The following ZNF275 variants were observed in gnomAD, a reference collection of about 807,000 sequenced individuals.
ZNF275 encodes the protein zinc finger protein 275.
Under a neutral mutation model 4.3 loss-of-function variants are expected in ZNF275, and 4 were observed. The observed-to-expected ratio is 0.93, with a 90% CI of 0.46 to 2.13. The LOEUF (loss-of-function observed/expected upper bound fraction) is 2.13. Among genes scored for constraint, ZNF275 ranks in the 30% most tolerant of loss-of-function variants. The probability of loss-of-function intolerance (pLI) is 0.02; values close to 1 mark genes in which losing one functional copy is unlikely to be tolerated. For synonymous variants in ZNF275, 173 were observed against 166.9 expected (o/e 1.04, Z -0.28); for missense variants, 352 against 397.1 (o/e 0.89, Z 0.97).
intron 2 of ZNF275, among the ~76,000 whole-genome samples, chrX:153,338,734 C>T (rs890979047): frequency 5.5e-5 from 5 of 90,847 alleles, no homozygotes; most frequent in African/African-American, 2.0e-4. Context: ...CAGAGAGAGA[C>T]GAAGAAAGAG....
chrX:153,351,715 C>G lies in ZNF275; in HGVS notation c.*3740C>G, dbSNP rs1326988232. 8.9e-6 allele frequency: 1 copy of G among 112,267 alleles called. No individual in the cohort carries two copies. The highest frequency in any genetic ancestry group is 1.9e-5 in the Non-Finnish European group (1 of 53,295). The allele number at this position is 112,267 out of a possible 1,213,427, so 9.3% of individuals were successfully genotyped here. On this transcript the variant is annotated 3_prime_UTR_variant, in exon 4 of 4. Transcript: ENST00000650114. Reference sequence around the variant, plus strand: ...TGATTACCATTTTTGCTGCTTATTACGATGAGCTGTGTCCATTAGCTGTGT... The same window carrying G: ...TGATTACCATTTTTGCTGCTTATTAGGATGAGCTGTGTCCATTAGCTGTGT...
Position 153,350,784 on chromosome X carries a change from CTG to C in ZNF275, c.*2813_*2814del, listed in dbSNP as rs1218165603. ...CTCAGTTCTTGCAGTAGTTGTGAATCTGTGTCTGAAATCACTACTTTCTTCTC... is the reference window on the plus strand; with the variant it reads ...CTCAGTTCTTGCAGTAGTTGTGAATCTGTCTGAAATCACTACTTTCTTCTC... On this transcript the variant is annotated 3_prime_UTR_variant, in exon 4 of 4. Coordinates refer to ENST00000650114, the MANE Select transcript of ZNF275 (RefSeq NM_001367757.1). The C allele has an allele frequency of 1.6e-5, 2 of 124,261 alleles. No individual in the cohort carries two copies. Among genetic ancestry groups the C allele is most frequent in the Non-Finnish European group, 3.7e-5 (2 of 53,391 alleles). The allele number at this position is 124,261 out of a possible 1,213,427, so 10.2% of individuals were successfully genotyped here.
rs371051380 is a variant in ZNF275 at position 153,345,522 on chromosome X, G to A, written c.34G>A (p.Val12Ile). 2.2e-4 allele frequency: 270 copies of A among 1,205,549 alleles called. No individual in the cohort carries two copies. The highest frequency in any genetic ancestry group is 2.9e-4 in the Non-Finnish European group (259 of 890,791). ...CCAATCTCCTTTCCCATGAGCAGGC[G>A]TTCCTGTTTTAAATCCTGCCTTGGT... is the stretch of plus-strand genomic sequence containing the variant. Reference protein sequence around the residue: ...MSHPCVSLLGVPVLNPALVPH... With the variant: ...MSHPCVSLLGIPVLNPALVPH... Residue 12 changes from valine (V) to isoleucine (I), a missense_variant and splice_region_variant, in exon 3 of 4, where the codon GTT (valine) becomes ATT (isoleucine). Physicochemically the swap from Val to Ile is conservative, Grantham distance 29 (BLOSUM62 3). Transcript: ENST00000650114.
At chrX:153,344,767 G>A (rs1569527994) in intron 2 of ZNF275, 2 of 100,006 alleles carry the variant, frequency 2.0e-5, no homozygotes, top group South Asian at 1.7e-4. Flanking sequence ...TTATGGGAAC[G>A]TGACCTCTGT....
chrX:153,343,441 A>G, intron 2 of ZNF275: 1 of 351,279 alleles, frequency 2.8e-6, no homozygotes, highest in Non-Finnish European at 5.6e-6. Flanking sequence ...ATATTTTGCA[A>G]TTTGGAAGAA....
chrX:153,347,007 G>T lies in ZNF275; in HGVS notation c.322G>T (p.Asp108Tyr). The T allele has an allele frequency of 8.3e-7, 1 of 1,211,371 alleles. No homozygotes were observed. Among genetic ancestry groups the T allele is most frequent in the African/African-American group, 1.7e-5 (1 of 57,671 alleles). ...EHHFACKECG[D>Y]TFRLKVLLVQ... ...TCATTTTGCTTGTAAAGAGTGTGGG[G>T]ACACCTTTCGGCTTAAAGTCCTGCT... is the stretch of plus-strand genomic sequence containing the variant. The change falls in exon 4 of 4, where the codon GAC (aspartate) becomes TAC (tyrosine). Residue 108 changes from aspartate (D) to tyrosine (Y), a missense_variant. Coordinates refer to ENST00000650114, the MANE Select transcript of ZNF275 (RefSeq NM_001367757.1).
chrX:153,346,440 TG>T (rs1258943282), intron 3 of ZNF275, among the ~76,000 whole-genome samples: 1 of 108,397 alleles, frequency 9.2e-6, no homozygotes, highest in Non-Finnish European at 1.9e-5. Context: ...AGTTAGGGTT[TG>T]GGGCCCCAGC....
chrX:153,335,038 C>T (rs1015014115), intron 1 of ZNF275, among the ~76,000 whole-genome samples: 83 of 110,905 alleles, frequency 7.5e-4, no homozygotes, highest in Non-Finnish European at 1.2e-3. Flanking sequence ...CCATCTCCCA[C>T]TTCAGTGCCC....
intron 2 of ZNF275, among the ~76,000 whole-genome samples, chrX:153,341,762 A>T (rs2088481644): frequency 1.8e-5 from 2 of 112,626 alleles, no homozygotes; most frequent in Non-Finnish European, 3.7e-5. Context: ...TAAAAATGTC[A>T]TGCACTGGTT....
intron 2 of ZNF275, chrX:153,344,488 C>T (rs1389015288): frequency 9.8e-6 from 3 of 304,652 alleles, no homozygotes; most frequent in Non-Finnish European, 1.9e-5. Flanking sequence ...GGTCCATGGC[C>T]CAGGGATCCT....
Position 153,347,778 on chromosome X carries a change from A to G in ZNF275, c.1093A>G (p.Ile365Val). 3 of 1,208,390 alleles carry G rather than the reference A, an allele frequency of 2.5e-6. No individual in the cohort carries two copies. Among genetic ancestry groups the G allele is most frequent in the Non-Finnish European group, 3.4e-6 (3 of 893,462 alleles). ...GKAFRGPSDL[I>V]KHRRIHSGLK... is the part of the protein sequence containing the mutation. ...GGCCTTCCGTGGGCCCTCTGACCTC[A>G]TCAAGCACCGGCGCATCCACAGCGG... The change falls in exon 4 of 4, where the codon ATC (isoleucine) becomes GTC (valine). Residue 365 changes from isoleucine to valine, a missense_variant. Coordinates refer to ENST00000650114, the MANE Select transcript of ZNF275 (RefSeq NM_001367757.1).
In ZNF275 at chrX:153,345,527, T is replaced by C. The variant is rs3213466; in HGVS notation, c.39T>C (p.Pro13=). 400,682 of 1,206,082 alleles carry C rather than the reference T, an allele frequency of 0.33. 47,761 individuals are homozygous for C. The highest frequency in any genetic ancestry group is 0.62 in the African/African-American group (35,294 of 57,204). The change falls in exon 3 of 4, where the codon CCT becomes CCC. Residue 13 remains proline, a synonymous_variant. Coordinates refer to ENST00000650114, the MANE Select transcript of ZNF275 (RefSeq NM_001367757.1). ...CTCCTTTCCCATGAGCAGGCGTTCC[T>C]GTTTTAAATCCTGCCTTGGTCCCTC... ...SHPCVSLLGV[P]VLNPALVPHL...
Position 153,347,051 on chromosome X carries a change from C to T in ZNF275, c.366C>T (p.Val122=). 1 of 1,211,346 alleles carries T rather than the reference C, an allele frequency of 8.3e-7. No individual in the cohort carries two copies. The highest frequency in any genetic ancestry group is 1.1e-6 in the Non-Finnish European group (1 of 895,354). ...TCCTGCTTGTCCAGCACCAGAGAGTCCACAGTGAGGAGAAGGGCTGGGAAT... is the reference window on the plus strand; with the variant it reads ...TCCTGCTTGTCCAGCACCAGAGAGTTCACAGTGAGGAGAAGGGCTGGGAAT... ...LKVLLVQHQR[V]HSEEKGWECG... is the part of the protein sequence containing the mutation. Residue 122 remains valine (V), a synonymous_variant, in exon 4 of 4, where the codon GTC becomes GTT. Transcript: ENST00000650114.
At chrX:153,340,357 C>G (rs782151295) in intron 2 of ZNF275, among the ~76,000 whole-genome samples, 1 of 112,115 alleles carries the variant, frequency 8.9e-6, no homozygotes, top group Non-Finnish European at 1.9e-5. Flanking sequence ...TGTCTCTAGG[C>G]TTTCTGGTCA....
rs1426222723 is a variant in ZNF275, at chrX:153,351,721, G to T, written c.*3746G>T. 2.7e-5 allele frequency: 3 copies of T among 112,125 alleles called. No individual in the cohort carries two copies. The highest frequency in any genetic ancestry group is 9.4e-5 in the Admixed American group (1 of 10,612). 9.2% of individuals were successfully genotyped at this position (112,125 alleles called of 1,213,427 possible). ...CCATTTTTGCTGCTTATTACGATGA[G>T]CTGTGTCCATTAGCTGTGTCACCCC... On this transcript the variant is annotated 3_prime_UTR_variant, in exon 4 of 4. Transcript: ENST00000650114.
At chrX:153,334,947 A>G in intron 1 of ZNF275, among the ~76,000 whole-genome samples, 1 of 107,022 alleles carries the variant, frequency 9.3e-6, no homozygotes, top group Non-Finnish European at 1.9e-5. Context: ...AGCTGTGGAG[A>G]GGCAGGGGAA....
chrX:153,337,967 G>A (rs781955664), intron 2 of ZNF275, among the ~76,000 whole-genome samples: 7 of 111,670 alleles, frequency 6.3e-5, no homozygotes, highest in Admixed American at 5.7e-4. Context: ...CTCACTTCAG[G>A]GTCAGCATTA....
rs2088524122 is a variant in ZNF275, at chrX:153,347,321, G to A, written c.636G>A (p.Glu212=). ...VHSREKPFDC[E]ECGRSFKVNT... ...GCAGAGAGAAGCCCTTTGATTGCGA[G>A]GAATGCGGGCGGTCGTTCAAAGTCA... Residue 212 remains glutamate (E), a synonymous_variant, in exon 4 of 4, where the codon GAG becomes GAA. Coordinates refer to ENST00000650114, the MANE Select transcript of ZNF275 (RefSeq NM_001367757.1). 1 of 1,212,077 alleles carries A rather than the reference G, an allele frequency of 8.3e-7. No individual in the cohort carries two copies. The highest frequency in any genetic ancestry group is 1.8e-5 in the South Asian group (1 of 57,046).
intron 2 of ZNF275, among the ~76,000 whole-genome samples, chrX:153,340,841 G>A (rs1307336923): frequency 8.9e-6 from 1 of 111,846 alleles, no homozygotes; most frequent in Non-Finnish European, 1.9e-5. Context: ...AACTATGTCT[G>A]CCTGTATCAT....
Sources: gnomAD v4.1 joint callset for allele counts (sites outside exome capture counted in the v4.1 genomes callset) on GRCh38, gnomAD v4.1.1 for gene constraint, MANE v1.5 for transcripts, NCBI Gene and HGNC (gene_info 2026-07-23, HGNC 2026-07-21) for gene names.